Variants in CAMK1D observed in about 807,000 individuals in gnomAD.
The protein encoded by CAMK1D is calcium/calmodulin-dependent protein kinase type 1D.
A neutral mutation model predicts 47.7 loss-of-function variants in CAMK1D; 9 were observed. The ratio of observed to expected loss-of-function variants is 0.19; its 90% CI spans 0.11 to 0.33. The LOEUF is 0.33. CAMK1D is among the 10% of genes least tolerant of loss of function. The pLI, the probability that CAMK1D is intolerant of heterozygous loss-of-function variation, is 1.00. For synonymous variants in CAMK1D, 184 were observed against 184.9 expected (o/e 0.99, Z 0.04); for missense variants, 291 against 488.7 (o/e 0.60, Z 3.81).
chr10:12,641,302 T>C lies in CAMK1D; in HGVS notation c.225-25434T>C, dbSNP rs574630293. Among the ~76,000 whole-genome samples the C allele has an allele frequency of 3.3e-5, 5 of 152,258 alleles. No homozygotes were observed. In the South Asian group the frequency reaches 1.0e-3, roughly 32 times the overall value. ...CAGTTCTGATAAACTATTTTGACTTTTTAAAAAATTAGTGAATGTTTAAAA... is the reference window on the plus strand; with the variant it reads ...CAGTTCTGATAAACTATTTTGACTTCTTAAAAAATTAGTGAATGTTTAAAA... On this transcript the variant is annotated intron_variant, in intron 2 of 10. Transcript: ENST00000619168.
intron 5 of CAMK1D, among the ~76,000 whole-genome samples, chr10:12,770,930 G>T (rs1837010003): frequency 6.6e-6 from 1 of 151,922 alleles, no homozygotes; most frequent in Non-Finnish European, 1.5e-5. Context: ...TTTTTTGTGG[G>T]GGGTGGGGGG....
chr10:12,611,588 C>CTTTTTTTTTTTTTTTT (rs71386105), intron 2 of CAMK1D, among the ~76,000 whole-genome samples: 3,666 of 59,900 alleles, frequency 0.061, 978 homozygotes, highest in East Asian at 0.13. Flanking sequence ...TTCAGAATGC[C>CTTTTTTTTTTTTTTTT]TTTTTTTTTT....
At chr10:12,828,229 C>G (rs187698361) in intron 10 of CAMK1D, among the ~76,000 whole-genome samples, 13 of 152,194 alleles carry the variant, frequency 8.5e-5, no homozygotes, top group African/African-American at 3.1e-4. Context: ...TTTTCAAACA[C>G]AAAGCAGTTA....
chr10:12,471,258 C>T (rs944024515), intron 1 of CAMK1D, among the ~76,000 whole-genome samples: 2 of 152,166 alleles, frequency 1.3e-5, no homozygotes, highest in Non-Finnish European at 2.9e-5. Flanking sequence ...CTGGATCAGC[C>T]CCTGGTCTGG....
chr10:12,460,698 G>C (rs2132052535), intron 1 of CAMK1D, among the ~76,000 whole-genome samples: 1 of 152,268 alleles, frequency 6.6e-6, no homozygotes, highest in South Asian at 2.1e-4. Context: ...AAAGTGCTGG[G>C]ATTACAGGTG....
chr10:12,423,931 C>T (rs550563675), intron 1 of CAMK1D, among the ~76,000 whole-genome samples: 72 of 152,294 alleles, frequency 4.7e-4, no homozygotes, highest in African/African-American at 1.6e-3. Flanking sequence ...GGTCCTGTGC[C>T]TTCCTGGGCA....
chr10:12,674,599 CTTTTTTTT>C (rs11391139), intron 3 of CAMK1D, among the ~76,000 whole-genome samples: 1 of 63,472 alleles, frequency 1.6e-5, no homozygotes. Flanking sequence ...TGGAAAAATG[CTTTTTTTT>C]TTTTTTTTTT....
intron 6 of CAMK1D, among the ~76,000 whole-genome samples, chr10:12,813,685 CTT>C (rs1832692284): frequency 6.6e-6 from 1 of 152,148 alleles, no homozygotes; most frequent in Non-Finnish European, 1.5e-5. Flanking sequence ...GTCACCTATC[CTT>C]GCGGAATGTG....
intron 3 of CAMK1D, among the ~76,000 whole-genome samples, chr10:12,700,917 G>C (rs1323604593): frequency 6.6e-6 from 1 of 152,160 alleles, no homozygotes; most frequent in East Asian, 1.9e-4. Flanking sequence ...ACATTCTAAT[G>C]TTCTTAACTA....
chr10:12,677,941 G>C (rs1027678570), intron 3 of CAMK1D, among the ~76,000 whole-genome samples: 2 of 151,994 alleles, frequency 1.3e-5, no homozygotes, highest in Non-Finnish European at 2.9e-5. Flanking sequence ...GTCCTTCTCC[G>C]GACTAACGAT....
intron 5 of CAMK1D, 148 bp from the exon 6 acceptor site, chr10:12,791,010 A>C: frequency 7.7e-6 from 5 of 652,772 alleles, no homozygotes. Context: ...CCTTTAAAAA[A>C]AAAAAGCCAA....
intron 1 of CAMK1D, among the ~76,000 whole-genome samples, chr10:12,429,626 C>T (rs1448689669): frequency 6.6e-6 from 1 of 152,302 alleles, no homozygotes; most frequent in South Asian, 2.1e-4. Context: ...AGGCGTGAGC[C>T]ACCATGCCTG....
intron 3 of CAMK1D, among the ~76,000 whole-genome samples, chr10:12,721,151 C>A (rs1437184982): frequency 6.6e-6 from 1 of 152,206 alleles, no homozygotes; most frequent in Non-Finnish European, 1.5e-5. Context: ...GGGCTAATGT[C>A]TAGAGAAGCT....
intron 3 of CAMK1D, among the ~76,000 whole-genome samples, chr10:12,722,049 A>G (rs1025164143): frequency 3.3e-5 from 5 of 152,092 alleles, no homozygotes; most frequent in Non-Finnish European, 7.4e-5. Flanking sequence ...CTCCACCCTC[A>G]TGACCTAATC....
intron 2 of CAMK1D, among the ~76,000 whole-genome samples, chr10:12,602,833 A>G (rs2132392103): frequency 6.6e-6 from 1 of 151,726 alleles, no homozygotes; most frequent in African/African-American, 2.4e-5. Context: ...CTGAGCAAAG[A>G]CCGGTGGTGG....
intron 1 of CAMK1D, among the ~76,000 whole-genome samples, chr10:12,390,316 C>T (rs946767307): frequency 1.3e-5 from 2 of 152,110 alleles, no homozygotes; most frequent in African/African-American, 2.4e-5. Context: ...AAGTGATCCT[C>T]CTGTCTCAGC....
intron 1 of CAMK1D, among the ~76,000 whole-genome samples, chr10:12,495,113 T>C (rs1834497633): frequency 6.6e-6 from 1 of 152,226 alleles, no homozygotes; most frequent in Non-Finnish European, 1.5e-5. Flanking sequence ...GGCTGTGAAC[T>C]TGTGGGCTGT....
chr10:12,545,453 TAAAAAAA>T (rs59666684), intron 1 of CAMK1D, among the ~76,000 whole-genome samples: 4 of 52,300 alleles, frequency 7.6e-5, no homozygotes, highest in Non-Finnish European at 1.0e-4. Context: ...CATCTCACAG[TAAAAAAA>T]AAAAAAAAAA....
At chr10:12,479,824 T>C (rs1258228846) in intron 1 of CAMK1D, among the ~76,000 whole-genome samples, 8 of 152,100 alleles carry the variant, frequency 5.3e-5, no homozygotes, top group Non-Finnish European at 1.2e-4. Flanking sequence ...GCCGAGGGAG[T>C]GCATTGTCTG....
Sources: allele counts gnomAD v4.1 joint callset (sites outside exome capture counted in the v4.1 genomes callset), GRCh38; gene constraint gnomAD v4.1.1; transcripts MANE v1.5; gene names NCBI Gene and HGNC (gene_info 2026-07-23, HGNC 2026-07-21).